KIAA1958: variants seen among roughly 807,000 people sequenced by gnomAD.
The protein encoded by KIAA1958 is uncharacterized protein KIAA1958.
A neutral mutation model predicts 47.2 loss-of-function variants in KIAA1958; 14 were observed. The ratio of observed to expected loss-of-function variants is 0.30; its 90% CI spans 0.20 to 0.46. The LOEUF is 0.46. Among genes scored for constraint, KIAA1958 ranks in the 20% least tolerant of loss-of-function variants. The pLI is 1.00. For missense variants in KIAA1958, 803 were observed against 909.2 expected (o/e 0.88, Z 1.50); for synonymous variants, 354 against 353.3 (o/e 1.00, Z -0.02).
chr9:112,667,742 A>AT lies in KIAA1958; in HGVS notation c.*7679dup, dbSNP rs1280989965. ...CATATTTTATATGTTAAGATACATA[A>AT]TTTTTTAGTTATGATAACCATCCAG... On this transcript the variant is annotated 3_prime_UTR_variant, in exon 4 of 4. Transcript: ENST00000337530. 1 of 152,184 alleles carries AT rather than the reference A, an allele frequency of 6.6e-6. No homozygotes were observed. The highest frequency in any genetic ancestry group is 6.5e-5 in the Admixed American group (1 of 15,276). The allele number at this position is 152,184 out of a possible 1,614,324, so 9.4% of individuals were successfully genotyped here.
rs1321115434 is a variant in KIAA1958 at position 112,618,539 on chromosome 9, A to T, written c.1172-27111A>T. 1.9e-6 allele frequency: 3 copies of T among 1,550,526 alleles called. No homozygotes were observed. The highest frequency in any genetic ancestry group is 2.7e-5 in the African/African-American group (2 of 73,034). ...GTATGCCACCCAGCACGCCCCACAG[A>T]CCTGCCCTGTCCAGGACTATAAGGA... is the stretch of plus-strand genomic sequence containing the variant. On this transcript the variant is annotated intron_variant, in intron 2 of 3. Coordinates refer to ENST00000337530, the MANE Select transcript of KIAA1958 (RefSeq NM_133465.4). This position sits in a 1 kb window ranked among gnomAD's most constrained non-coding sequence, Gnocchi z 7.1.
At chr9:112,641,675 A>G (rs936624984) in intron 2 of KIAA1958, among the ~76,000 whole-genome samples, 2 of 151,862 alleles carry the variant, frequency 1.3e-5, no homozygotes, top group Non-Finnish European at 2.9e-5. Context: ...TCTGTCTTTC[A>G]TATCTCTTAA....
At chr9:112,539,778 C>T (rs762190120) in intron 1 of KIAA1958, among the ~76,000 whole-genome samples, 6 of 152,182 alleles carry the variant, frequency 3.9e-5, no homozygotes, top group East Asian at 1.9e-4. Context: ...GTAACCTCTG[C>T]GTCCAGGGTT....
chr9:112,493,337 A>G (rs1197214266), intron 1 of KIAA1958, among the ~76,000 whole-genome samples: 2 of 152,144 alleles, frequency 1.3e-5, no homozygotes, highest in African/African-American at 4.8e-5. Flanking sequence ...ATTTTCCACA[A>G]GCATTTCACA....
chr9:112,574,099 A>AC lies in KIAA1958; in HGVS notation c.21dup (p.Ser8LeufsTer3). 1 of 1,597,296 alleles carries AC rather than the reference A, an allele frequency of 6.3e-7. No homozygotes were observed. The highest frequency in any genetic ancestry group is 8.5e-7 in the Non-Finnish European group (1 of 1,169,674). On this transcript the variant is annotated frameshift_variant, in exon 2 of 4. Transcript: ENST00000337530. LOFTEE classifies it high-confidence loss of function. ...CTGTAACATGGAGGATTGTCTTCATACCTCATCTGAGAATCTGTCCAAATT... is the reference window on the plus strand; with the variant it reads ...CTGTAACATGGAGGATTGTCTTCATACCCTCATCTGAGAATCTGTCCAAATT...
intron 2 of KIAA1958, among the ~76,000 whole-genome samples, chr9:112,598,086 T>C (rs1836063936): frequency 6.6e-6 from 1 of 152,176 alleles, no homozygotes; most frequent in Admixed American, 6.5e-5. Flanking sequence ...GGAGAATTTG[T>C]TGGCATAAGG....
In KIAA1958 at chr9:112,618,922, T is replaced by C. The variant is rs1588042461; in HGVS notation, c.1172-26728T>C. The C allele has an allele frequency of 2.6e-6, 4 of 1,518,068 alleles. No individual in the cohort carries two copies. The highest frequency in any genetic ancestry group is 1.4e-5 in the African/African-American group (1 of 72,688). The allele number at this position is 1,518,068 out of a possible 1,614,324, so 94.0% of individuals were successfully genotyped here. A position where few individuals can be genotyped will look rare whatever the true frequency, so the allele number is the denominator to read the frequency against. Reference sequence around the variant, plus strand: ...CTTCCTCAGACACCGCTTGACCAGGTGGCTTGAGCAAGACTCCAGTTTGGT... The same window carrying C: ...CTTCCTCAGACACCGCTTGACCAGGCGGCTTGAGCAAGACTCCAGTTTGGT... On this transcript the variant is annotated intron_variant, in intron 2 of 3. Coordinates refer to ENST00000337530, the MANE Select transcript of KIAA1958 (RefSeq NM_133465.4). This position sits in a 1 kb window ranked among gnomAD's most constrained non-coding sequence, Gnocchi z 7.1.
rs1180828392 is a variant in KIAA1958, at chr9:112,659,678, A to G, written c.1760A>G (p.Lys587Arg). The change falls in exon 4 of 4, where the codon AAA becomes AGA. Residue 587 changes from lysine (K) to arginine (R), a missense_variant. By Grantham distance (26) the Lys-to-Arg change is conservative. Transcript: ENST00000337530. Reference sequence around the variant, plus strand: ...ATGTATGGTGACATCGAGCTGCTCAAAGACCCCCAAAACCAGCCCTACTTT... The same window carrying G: ...ATGTATGGTGACATCGAGCTGCTCAGAGACCCCCAAAACCAGCCCTACTTT... ...DLMYGDIELL[K>R]DPQNQPYFAR... 27 of 1,614,068 alleles carry G rather than the reference A, an allele frequency of 1.7e-5. No individual in the cohort carries two copies. The highest frequency in any genetic ancestry group is 3.3e-5 in the South Asian group (3 of 91,080).
chr9:112,508,582 T>C (rs1346059653), intron 1 of KIAA1958, among the ~76,000 whole-genome samples: 1 of 152,240 alleles, frequency 6.6e-6, no homozygotes, highest in Non-Finnish European at 1.5e-5. Context: ...ACCATTTAAT[T>C]GAGCCCTTTT....
At chr9:112,615,055 C>T (rs1052174808) in intron 2 of KIAA1958, among the ~76,000 whole-genome samples, 21 of 152,200 alleles carry the variant, frequency 1.4e-4, no homozygotes, top group African/African-American at 5.1e-4. Flanking sequence ...TTTAAATTGA[C>T]ACCCAAAGGT....
rs1416173666 is a variant in KIAA1958, at chr9:112,662,251, A to T, written c.*2182A>T. The stretch of plus-strand genomic sequence containing the variant: ...TTAATAATCAGGAGGGCGAATCTTC[A>T]GTGGCATCTGATGGAATGAAAGAAC... On this transcript the variant is annotated 3_prime_UTR_variant, in exon 4 of 4. Transcript: ENST00000337530. The T allele has an allele frequency of 6.6e-6, 1 of 152,210 alleles. No individual in the cohort carries two copies. The highest frequency in any genetic ancestry group is 1.5e-5 in the Non-Finnish European group (1 of 68,040). 9.4% of individuals were successfully genotyped at this position (152,210 alleles called of 1,614,324 possible). A position where few individuals can be genotyped will look rare whatever the true frequency, so the allele number is the denominator to read the frequency against.
rs984252809 is a variant in KIAA1958 at position 112,663,412 on chromosome 9, G to A, written c.*3343G>A. The A allele has an allele frequency of 6.6e-6, 1 of 152,120 alleles. No individual in the cohort carries two copies. The highest frequency in any genetic ancestry group is 1.5e-5 in the Non-Finnish European group (1 of 68,030). The allele number at this position is 152,120 out of a possible 1,614,324, so 9.4% of individuals were successfully genotyped here. A position where few individuals can be genotyped will look rare whatever the true frequency, so the allele number is the denominator to read the frequency against. On this transcript the variant is annotated 3_prime_UTR_variant, in exon 4 of 4. Coordinates refer to ENST00000337530, the MANE Select transcript of KIAA1958 (RefSeq NM_133465.4). ...TTAGCCAGCTTAGTTATAACTTTTG[G>A]TAATAATTAATATTATTTAACTAAT... is the stretch of plus-strand genomic sequence containing the variant.
chr9:112,619,394 C>T (rs146705246), intron 2 of KIAA1958, among the ~76,000 whole-genome samples: 223 of 152,160 alleles, frequency 1.5e-3, no homozygotes, highest in Non-Finnish European at 2.2e-4. Flanking sequence ...TTACTGCTGA[C>T]GCAAAACTGT....
At chr9:112,534,977 T>C (rs924433633) in intron 1 of KIAA1958, among the ~76,000 whole-genome samples, 8 of 152,256 alleles carry the variant, frequency 5.3e-5, no homozygotes, top group Admixed American at 4.6e-4. Flanking sequence ...TTAATTTTTT[T>C]AATTGACAAA....
chr9:112,547,488 G>C (rs1373221143), intron 1 of KIAA1958, among the ~76,000 whole-genome samples: 4 of 151,852 alleles, frequency 2.6e-5, no homozygotes, highest in Admixed American at 6.6e-5. Context: ...TTCGGGCCAT[G>C]ATGCGGGGTT....
chr9:112,511,576 T>C (rs1834326093), intron 1 of KIAA1958, among the ~76,000 whole-genome samples: 1 of 152,206 alleles, frequency 6.6e-6, no homozygotes, highest in African/African-American at 2.4e-5. Flanking sequence ...AGTAGTACTT[T>C]GGGGAAAACT....
intron 2 of KIAA1958, among the ~76,000 whole-genome samples, chr9:112,608,267 T>C (rs1468895760): frequency 6.6e-6 from 1 of 152,192 alleles, no homozygotes; most frequent in Non-Finnish European, 1.5e-5. Flanking sequence ...TCAAAAGATA[T>C]TTAAACTAAT....
chr9:112,536,933 A>G (rs1406220276), intron 1 of KIAA1958, among the ~76,000 whole-genome samples: 1 of 152,186 alleles, frequency 6.6e-6, no homozygotes, highest in Non-Finnish European at 1.5e-5. Context: ...AAATATCTCA[A>G]ATAAGAACAA....
At chr9:112,497,118 T>G (rs1834061189) in intron 1 of KIAA1958, among the ~76,000 whole-genome samples, 1 of 152,232 alleles carries the variant, frequency 6.6e-6, no homozygotes, top group Non-Finnish European at 1.5e-5. Flanking sequence ...CATGCTTTGC[T>G]CAGCTTTCCC....
Sources: gnomAD v4.1 joint callset for allele counts (sites outside exome capture counted in the v4.1 genomes callset) on GRCh38, gnomAD v4.1.1 for gene constraint, Gnocchi (gnomAD v3.1) non-coding constraint, MANE v1.5 for transcripts, NCBI Gene and HGNC (gene_info 2026-07-23, HGNC 2026-07-21) for gene names.